The following ZIM2 variants were observed in gnomAD, a reference collection of about 807,000 sequenced individuals.
ZIM2 encodes the protein zinc finger imprinted 2, also known as zinc finger protein 656.
ZIM2 carries 14 observed loss-of-function variants against 38.6 expected under a neutral mutation model. That is an observed-to-expected ratio of 0.36 (90% confidence interval 0.24 to 0.57). The LOEUF is 0.57. Among genes scored for constraint, ZIM2 ranks in the 20% least tolerant of loss-of-function variants. The probability of loss-of-function intolerance (pLI) is 0.81; values close to 1 mark genes in which losing one functional copy is unlikely to be tolerated. For missense variants in ZIM2, 680 were observed against 695.1 expected (o/e 0.98, Z 0.24); for synonymous variants, 247 against 245.8 (o/e 1.00, Z -0.04).
chr19:56,816,838 C>T (rs749503617), intron 9 of ZIM2: 5 of 1,614,170 alleles, frequency 3.1e-6, no homozygotes, highest in Admixed American at 3.3e-5. Context: ...CTGATTCTTA[C>T]ATTCCACAAG....
At chr19:56,815,136 A>G in intron 9 of ZIM2, 1 of 1,613,974 alleles carries the variant, frequency 6.2e-7, no homozygotes, top group Non-Finnish European at 8.5e-7. Context: ...TTTTGTCATC[A>G]GGGTCATCCT....
At chr19:56,777,758 C>T (rs2046096818) in intron 12 of ZIM2, among the ~76,000 whole-genome samples, 2 of 152,210 alleles carry the variant, frequency 1.3e-5, no homozygotes, top group Admixed American at 6.5e-5. Context: ...CAGCAAAGTT[C>T]TAAAATATCA....
chr19:56,825,447 T>TC (rs2060927674), intron 3 of ZIM2, among the ~76,000 whole-genome samples: 1 of 152,368 alleles, frequency 6.6e-6, no homozygotes, highest in Middle Eastern at 3.4e-3. Flanking sequence ...GTTTTGACAT[T>TC]CCTTTCTTAC....
At position 56,786,342 on chromosome 19, in the gene ZIM2, T is replaced by C. The variant is rs991579954; in HGVS notation, c.570+3530A>G. ...CCCTTTTCAATTGCTCTGTGACTTT[T>C]TGGCACCCCCATATGGTTCTAAGAA... On this transcript the variant is annotated intron_variant, in intron 10 of 12. Coordinates refer to ENST00000629319, the MANE Select transcript of ZIM2 (RefSeq NM_001387356.1). Among the ~76,000 whole-genome samples the C allele has an allele frequency of 4.6e-5, 7 of 152,174 alleles. No individual in the cohort carries two copies. In the East Asian group the frequency reaches 9.6e-4, roughly 21 times the overall value.
chr19:56,833,643 C>A (rs1450162596), intron 2 of ZIM2: 1 of 174,904 alleles, frequency 5.7e-6, no homozygotes, highest in Non-Finnish European at 1.2e-5. Context: ...ACGGAGCTAC[C>A]TTTCCAGGTG....
chr19:56,837,697 T>G (rs895961331), intron 1 of ZIM2, among the ~76,000 whole-genome samples: 7 of 152,190 alleles, frequency 4.6e-5, no homozygotes, highest in African/African-American at 1.2e-4. Context: ...GCCCCACCCA[T>G]GAACCGGCAA....
intron 9 of ZIM2, chr19:56,817,513 G>C (rs753830090): frequency 4.4e-5 from 71 of 1,609,302 alleles, no homozygotes; most frequent in Non-Finnish European, 5.9e-5. Flanking sequence ...CACTCCGTGG[G>C]AAGATTCATC....
In ZIM2 at chr19:56,817,468, C is replaced by T. The variant is rs541678709; in HGVS notation, c.490+278G>A. The T allele has an allele frequency of 9.9e-6, 16 of 1,613,748 alleles. No individual in the cohort carries two copies. In the South Asian group the frequency reaches 1.6e-4, roughly 17 times the overall value. ...CTCCCTTGCTCTTCCCGATTTGGAA[C>T]TGCGTGACACATCCTTGATGAATTT... On this transcript the variant is annotated intron_variant, in intron 9 of 12. Coordinates refer to ENST00000629319, the MANE Select transcript of ZIM2 (RefSeq NM_001387356.1).
At chr19:56,812,807 A>AT in intron 9 of ZIM2, 1 of 933,858 alleles carries the variant, frequency 1.1e-6, no homozygotes, top group African/African-American at 2.2e-5. Context: ...TCAAACACAT[A>AT]TTGAGTTGGT....
intron 9 of ZIM2, chr19:56,817,142 G>A: frequency 6.2e-7 from 1 of 1,614,092 alleles, no homozygotes; most frequent in South Asian, 1.1e-5. Context: ...GGGGAGCTGA[G>A]GCTGCTCAGG....
chr19:56,837,645 C>T (rs1043367421), intron 1 of ZIM2, among the ~76,000 whole-genome samples: 12 of 152,310 alleles, frequency 7.9e-5, no homozygotes, highest in East Asian at 1.9e-4. Context: ...TCAGCTGGCA[C>T]GCCAGTGCAG....
Position 56,775,472 on chromosome 19 carries a change from G to A in ZIM2, c.893C>T (p.Thr298Ile), listed in dbSNP as rs751354232. Residue 298 changes from threonine (T) to isoleucine (I), a missense_variant, in exon 13 of 13, where the codon ACT becomes ATT. Thr to Ile is a moderately conservative substitution (Grantham distance 89, BLOSUM62 -1). Transcript: ENST00000629319. ...PHQGNQEKLLTPITMNDPKTL... is the reference protein window; with the variant it reads ...PHQGNQEKLLIPITMNDPKTL... ...CTTGGGGTCATTCATTGTTATAGGA[G>A]TCAAAAGTTTCTCTTGGTTGCCCTG... 4 of 1,613,852 alleles carry A rather than the reference G, an allele frequency of 2.5e-6. No homozygotes were observed. Among genetic ancestry groups the A allele is most frequent in the Non-Finnish European group, 3.4e-6 (4 of 1,179,986 alleles).
At chr19:56,816,976 C>T in intron 9 of ZIM2, 1 of 1,614,190 alleles carries the variant, frequency 6.2e-7, no homozygotes, top group Non-Finnish European at 8.5e-7. Context: ...GACAGCCACA[C>T]TGTGGATAAA....
chr19:56,788,442 A>T (rs1036361433), intron 10 of ZIM2, among the ~76,000 whole-genome samples: 1 of 151,940 alleles, frequency 6.6e-6, no homozygotes, highest in African/African-American at 2.4e-5. Flanking sequence ...CTGAGTTCTA[A>T]ATTCTTTTCC....
At chr19:56,778,079 C>G (rs1228890414) in intron 12 of ZIM2, among the ~76,000 whole-genome samples, 2 of 152,228 alleles carry the variant, frequency 1.3e-5, no homozygotes, top group African/African-American at 4.8e-5. Flanking sequence ...ACTATTCCAT[C>G]TCAAGCAACC....
rs1209779562 is a variant in ZIM2, at chr19:56,804,996, C to T, written c.490+12750G>A. On this transcript the variant is annotated intron_variant, in intron 9 of 12. Transcript: ENST00000629319. ...TTCACCAGGCTGGCATTTTCAGCTG[C>T]GAGGCATCAGAGTAGACTGGAGGGT... Among the ~76,000 whole-genome samples, 5 of 152,302 alleles carry T rather than the reference C, an allele frequency of 3.3e-5. No individual in the cohort carries two copies. The East Asian group carries it at 5.8e-4, about 18-fold the overall frequency.
chr19:56,839,834 G>C (rs1326811767), intron 1 of ZIM2, among the ~76,000 whole-genome samples: 1 of 150,624 alleles, frequency 6.6e-6, no homozygotes, highest in Non-Finnish European at 1.5e-5. Context: ...TGGGGCTTGA[G>C]CAGACGATTA....
intron 9 of ZIM2, among the ~76,000 whole-genome samples, chr19:56,805,948 G>A (rs2047737594): frequency 6.6e-6 from 1 of 152,194 alleles, no homozygotes; most frequent in African/African-American, 2.4e-5. Flanking sequence ...AATGTGCAAA[G>A]GTTATAATAG....
rs1403028745 is a variant in ZIM2 at position 56,790,673 on chromosome 19, G to T, written c.491-722C>A. On this transcript the variant is annotated intron_variant, in intron 9 of 12. Transcript: ENST00000629319. ...TAATTGTTCCATTTTATAACTAGTT[G>T]TTAATATCGTACTGTGCCTAATTAA... is the stretch of plus-strand genomic sequence containing the variant. Among the ~76,000 whole-genome samples the T allele has an allele frequency of 4.6e-5, 7 of 152,282 alleles. No individual in the cohort carries two copies. In the East Asian group the frequency reaches 1.3e-3, roughly 29 times the overall value.
Sources: gnomAD v4.1 joint callset for allele counts (sites outside exome capture counted in the v4.1 genomes callset) on GRCh38, gnomAD v4.1.1 for gene constraint, MANE v1.5 for transcripts, NCBI Gene and HGNC (gene_info 2026-07-23, HGNC 2026-07-21) for gene names.